Variants in SAMD5 observed in about 807,000 individuals in gnomAD.
SAMD5 encodes the protein sterile alpha motif domain containing 5, also known as sterile alpha motif domain-containing protein 5.
In SAMD5, 13 loss-of-function variants were observed where a neutral mutation model predicts 11.3. The ratio of observed to expected loss-of-function variants is 1.15; its 90% CI spans 0.75 to 1.83. The LOEUF is 1.83. Ranked by LOEUF, SAMD5 falls within the 40% of genes most tolerant of loss-of-function variation. The pLI is 0.00. For missense variants in SAMD5, 255 were observed against 239.1 expected, an observed-to-expected ratio of 1.07 and a Z score of -0.44; for synonymous variants, 129 against 111.3, an observed-to-expected ratio of 1.16 and a Z score of -1.00.
chr6:147,737,353 G>T (rs986244894), exon 2 of SAMD5: 3 of 1,262,852 alleles, frequency 2.4e-6, no homozygotes, highest in East Asian at 5.7e-5. Context: ...AGTAATTTGC[G>T]TGCTGTTTAT....
At chr6:147,560,870 T>A (rs940323921) in intron 1 of SAMD5, among the ~76,000 whole-genome samples, 5 of 152,098 alleles carry the variant, frequency 3.3e-5, no homozygotes, top group Admixed American at 6.5e-5. Flanking sequence ...TCAAACCCCA[T>A]AAAAGCCTAG....
intron 1 of SAMD5, among the ~76,000 whole-genome samples, chr6:147,626,791 GAAAAAAAAAAAAAAA>G (rs529975933): frequency 3.7e-5 from 2 of 54,728 alleles, no homozygotes; most frequent in African/African-American, 5.4e-5. Flanking sequence ...CTGTTTCTAT[GAAAAAAAAAAAAAAA>G]AAAAAAAAAA....
chr6:147,516,220 G>A (rs963861487), intron 1 of SAMD5, among the ~76,000 whole-genome samples: 2 of 152,206 alleles, frequency 1.3e-5, no homozygotes, highest in Non-Finnish European at 2.9e-5. Flanking sequence ...CAAGAGCAAT[G>A]TGCTGAGAAC....
At chr6:147,927,611 G>A in the SAMD5 span, among the ~76,000 whole-genome samples, 20,091 of 152,050 alleles carry the variant, frequency 0.13, 1,601 homozygotes, top group African/African-American at 0.21. Context: ...GATATCTGCA[G>A]ACAGGGATAG....
the SAMD5 span, among the ~76,000 whole-genome samples, chr6:147,831,804 C>G: frequency 1.3e-5 from 2 of 151,812 alleles, no homozygotes; most frequent in Admixed American, 6.6e-5. Context: ...TTTAATGGAC[C>G]AAGTCATTTA....
At chr6:147,572,509 C>G (rs1789151677), downstream of SAMD5, among the ~76,000 whole-genome samples, 1 of 151,828 alleles carries the variant, frequency 6.6e-6, no homozygotes, top group African/African-American at 2.4e-5. Flanking sequence ...AGGGTCTCAC[C>G]CTGTCACCCT....
chr6:147,737,798 G>A (rs1031943744), downstream of SAMD5, among the ~76,000 whole-genome samples: 4 of 142,346 alleles, frequency 2.8e-5, no homozygotes, highest in Non-Finnish European at 4.5e-5. Flanking sequence ...ACATGCACAC[G>A]TTTCAAATTT....
chr6:147,937,242 A>G, the SAMD5 span, among the ~76,000 whole-genome samples: 2 of 152,216 alleles, frequency 1.3e-5, no homozygotes, highest in Non-Finnish European at 2.9e-5. Context: ...TTGAAATTTC[A>G]TTGGCCAAAT....
intron 1 of SAMD5, among the ~76,000 whole-genome samples, chr6:147,607,975 A>G (rs1789727588): frequency 6.6e-6 from 1 of 152,230 alleles, no homozygotes; most frequent in Non-Finnish European, 1.5e-5. Flanking sequence ...ACCTGGGCAA[A>G]AGATTTGAAT....
At chr6:147,920,467 CT>C in the SAMD5 span, among the ~76,000 whole-genome samples, 1 of 152,162 alleles carries the variant, frequency 6.6e-6, no homozygotes, top group Admixed American at 6.5e-5. Flanking sequence ...GGCTTCCTTG[CT>C]CCTCAGCTTG....
rs1037832178 is a variant in SAMD5 at position 147,508,976 on chromosome 6, G to T, written c.48G>T (p.Pro16=). The T allele has an allele frequency of 9.4e-6, 15 of 1,601,190 alleles. No homozygotes were observed. Among genetic ancestry groups the T allele is most frequent in the Non-Finnish European group, 1.2e-5 (14 of 1,174,494 alleles). The change falls in exon 1 of 2, where the codon CCG becomes CCT. Residue 16 remains proline (P), a synonymous_variant. Coordinates refer to ENST00000367474, the MANE Select transcript of SAMD5 (RefSeq NM_001030060.3). ...VYEWLKALQL[P]QYAESFVDNG... Reference sequence around the variant, plus strand: ...AGTGGCTCAAAGCGCTGCAGCTTCCGCAGTACGCGGAGTCCTTCGTGGATA... The same window carrying T: ...AGTGGCTCAAAGCGCTGCAGCTTCCTCAGTACGCGGAGTCCTTCGTGGATA...
chr6:147,803,163 G>A, the SAMD5 span, among the ~76,000 whole-genome samples: 2 of 148,896 alleles, frequency 1.3e-5, no homozygotes, highest in African/African-American at 5.0e-5. Flanking sequence ...GTGTGTGTGT[G>A]TGTGTGTGTG....
chr6:147,601,838 G>T (rs1338638581), intron 1 of SAMD5, among the ~76,000 whole-genome samples: 1 of 152,164 alleles, frequency 6.6e-6, no homozygotes, highest in Non-Finnish European at 1.5e-5. Context: ...TATGCATTTT[G>T]GGGTTTTCAT....
At chr6:147,783,350 C>T in the SAMD5 span, among the ~76,000 whole-genome samples, 1 of 142,470 alleles carries the variant, frequency 7.0e-6, no homozygotes, top group Non-Finnish European at 1.5e-5. Flanking sequence ...AAATCTACTC[C>T]TTTGTGAAAT....
At chr6:147,753,811 C>G in the SAMD5 span, among the ~76,000 whole-genome samples, 1 of 151,790 alleles carries the variant, frequency 6.6e-6, no homozygotes, top group East Asian at 1.9e-4. Context: ...ACATATTTGT[C>G]TTTTTGTGCC....
chr6:147,816,313 T>C, the SAMD5 span, among the ~76,000 whole-genome samples: 11 of 120,196 alleles, frequency 9.2e-5, no homozygotes, highest in African/African-American at 3.6e-4. Flanking sequence ...TATATATATA[T>C]ATATATATAT....
the SAMD5 span, among the ~76,000 whole-genome samples, chr6:147,754,716 TC>T: frequency 6.6e-6 from 1 of 152,302 alleles, no homozygotes; most frequent in African/African-American, 2.4e-5. Context: ...AAGTCTTTAA[TC>T]TATTTTGATT....
intron 1 of SAMD5, among the ~76,000 whole-genome samples, chr6:147,610,087 A>C (rs1789760466): frequency 6.6e-6 from 1 of 152,136 alleles, no homozygotes; most frequent in Admixed American, 6.5e-5. Flanking sequence ...CAATGAACAT[A>C]ATTTTCTCAC....
chr6:147,602,839 T>C (rs1275448331), intron 1 of SAMD5, among the ~76,000 whole-genome samples: 1 of 151,790 alleles, frequency 6.6e-6, no homozygotes, highest in Non-Finnish European at 1.5e-5. Flanking sequence ...AATTAATAGA[T>C]AATTAAAAAT....
Sources: allele counts gnomAD v4.1 joint callset (sites outside exome capture counted in the v4.1 genomes callset), GRCh38; gene constraint gnomAD v4.1.1; transcripts MANE v1.5; gene names NCBI Gene and HGNC (gene_info 2026-07-23, HGNC 2026-07-21).